Variants in GNA13 observed in about 807,000 individuals in gnomAD.
GNA13 encodes G protein subunit alpha 13, also known as guanine nucleotide-binding protein subunit alpha-13.
GNA13 carries 4 observed loss-of-function variants against 33.5 expected under a neutral mutation model. The ratio of observed to expected loss-of-function variants is 0.12; its 90% CI spans 0.06 to 0.27. The LOEUF (loss-of-function observed/expected upper bound fraction) is 0.27, where lower values mean the gene tolerates loss of function less well. Among genes scored for constraint, GNA13 ranks in the 10% least tolerant of loss-of-function variants. The pLI, the probability that GNA13 is intolerant of heterozygous loss-of-function variation, is 1.00. For synonymous variants in GNA13, 176 were observed against 183.8 expected (o/e 0.96, Z 0.34); for missense variants, 319 against 487.2 (o/e 0.65, Z 3.25).
intron 2 of GNA13, among the ~76,000 whole-genome samples, chr17:65,030,672 G>GA (rs1161153120): frequency 6.6e-6 from 1 of 152,044 alleles, no homozygotes; most frequent in Non-Finnish European, 1.5e-5. Context: ...ATTTCACTTT[G>GA]AAAAAAACAA....
chr17:65,029,383 T>C (rs542471656), intron 2 of GNA13, among the ~76,000 whole-genome samples: 4 of 152,274 alleles, frequency 2.6e-5, no homozygotes, highest in South Asian at 2.1e-4. Context: ...CTTACTATTA[T>C]ACAGGGAGCA....
At chr17:65,034,329 A>G (rs1442469526) in intron 2 of GNA13, among the ~76,000 whole-genome samples, 2 of 152,134 alleles carry the variant, frequency 1.3e-5, no homozygotes, top group East Asian at 3.9e-4. Flanking sequence ...TCCTCTTTAT[A>G]TCAAGTTTTT....
intron 2 of GNA13, among the ~76,000 whole-genome samples, chr17:65,028,274 G>A (rs1906872695): frequency 6.6e-6 from 1 of 151,842 alleles, no homozygotes; most frequent in Non-Finnish European, 1.5e-5. Context: ...GCATAGTGAT[G>A]GGCTCCTGTA....
At chr17:65,032,884 G>A (rs1907099547) in intron 2 of GNA13, among the ~76,000 whole-genome samples, 1 of 151,896 alleles carries the variant, frequency 6.6e-6, no homozygotes, top group Non-Finnish European at 1.5e-5. Context: ...GCTGAGATGG[G>A]TGGATCACCT....
chr17:65,052,158 T>A (rs1022324060), intron 2 of GNA13: 3 of 152,210 alleles, frequency 2.0e-5, no homozygotes, highest in African/African-American at 7.2e-5. Flanking sequence ...GCAGCTTATT[T>A]ATTTTTTTTT....
intron 2 of GNA13, among the ~76,000 whole-genome samples, chr17:65,024,944 G>A (rs1906718013): frequency 1.3e-5 from 2 of 152,068 alleles, no homozygotes; most frequent in Non-Finnish European, 2.9e-5. Context: ...GGAGTACAGT[G>A]GCACAATGTA....
Position 65,042,562 on chromosome 17 carries a change from C to A in GNA13, c.510+10940G>T, listed in dbSNP as rs374810754. 2.9e-3 allele frequency among the ~76,000 whole-genome samples: 440 copies of A among 151,900 alleles called. 4 individuals are homozygous for A. Among genetic ancestry groups the A allele is most frequent in the African/African-American group, 0.01 (423 of 41,412 alleles). On this transcript the variant is annotated intron_variant, in intron 2 of 3. Transcript: ENST00000439174. ...GACCAGCATGGCCAACACGGTGAAA[C>A]CCCATCTCTACCAAAAATACAAAAA... is the stretch of plus-strand genomic sequence containing the variant.
intron 2 of GNA13, among the ~76,000 whole-genome samples, chr17:65,020,805 C>T (rs1202207801): frequency 2.6e-5 from 4 of 151,950 alleles, no homozygotes; most frequent in Non-Finnish European, 5.9e-5. Flanking sequence ...TGTGTGCCTC[C>T]GCGCCTGGCT....
chr17:65,027,067 C>G (rs549692160), intron 2 of GNA13, among the ~76,000 whole-genome samples: 1 of 152,164 alleles, frequency 6.6e-6, no homozygotes, highest in Non-Finnish European at 1.5e-5. Flanking sequence ...CGTGAGCCAC[C>G]GCGCCCGGCC....
intron 2 of GNA13, among the ~76,000 whole-genome samples, chr17:65,036,117 A>G (rs1454905086): frequency 6.6e-6 from 1 of 152,232 alleles, no homozygotes; most frequent in Admixed American, 6.5e-5. Flanking sequence ...TTTAGAGCTC[A>G]ATCATTATCC....
intron 2 of GNA13, among the ~76,000 whole-genome samples, chr17:65,035,394 A>C (rs1432753911): frequency 6.6e-6 from 1 of 152,236 alleles, no homozygotes; most frequent in Non-Finnish European, 1.5e-5. Context: ...AAAGTTGTAC[A>C]GAAAGTACAA....
At chr17:65,016,423 G>A (rs544537306) in intron 3 of GNA13, among the ~76,000 whole-genome samples, 36 of 152,202 alleles carry the variant, frequency 2.4e-4, no homozygotes, top group African/African-American at 3.6e-4. Context: ...GTGCAGTGGC[G>A]GAATCTCGGC....
rs569929430 is a variant in GNA13, at chr17:65,013,148, A to G, written c.*1109T>C. On this transcript the variant is annotated 3_prime_UTR_variant, in exon 4 of 4. Transcript: ENST00000439174. ...AATGTATACATACTGTATCTGTTAG[A>G]GACACACCAAGAATGAACAGGAATC... 1 of 201,826 alleles carries G rather than the reference A, an allele frequency of 5.0e-6. No individual in the cohort carries two copies. The highest frequency in any genetic ancestry group is 2.3e-5 in the African/African-American group (1 of 43,726). 12.5% of individuals were successfully genotyped at this position (201,826 alleles called of 1,614,324 possible).
At chr17:65,055,529 C>T (rs548452354) in intron 1 of GNA13, 1 of 808,982 alleles carries the variant, frequency 1.2e-6, no homozygotes, top group South Asian at 5.7e-5. Flanking sequence ...CCTGCCAGCC[C>T]CCAGTTACTT....
chr17:65,027,368 A>C (rs541519771), intron 2 of GNA13, among the ~76,000 whole-genome samples: 1 of 146,196 alleles, frequency 6.8e-6, no homozygotes. Context: ...GGCTGGTCTC[A>C]AATTCCTAGG....
At chr17:65,037,696 C>T (rs1244592797) in intron 2 of GNA13, among the ~76,000 whole-genome samples, 2 of 136,878 alleles carry the variant, frequency 1.5e-5, no homozygotes, top group African/African-American at 5.4e-5. Context: ...CATTGGGAGG[C>T]CGAGAGAGGC....
chr17:65,015,434 G>A (rs926144350), intron 3 of GNA13, among the ~76,000 whole-genome samples: 1 of 151,922 alleles, frequency 6.6e-6, no homozygotes, highest in African/African-American at 2.4e-5. Context: ...AGGCCGAGAC[G>A]GGCAGATCAC....
At chr17:65,052,267 C>T (rs1360513708) in intron 2 of GNA13, 1 of 152,304 alleles carries the variant, frequency 6.6e-6, no homozygotes, top group East Asian at 1.9e-4. Flanking sequence ...GAGTCTCCTG[C>T]CTCAGCCTCC....
rs1375045991 is a variant in GNA13 at position 65,036,387 on chromosome 17, G to A, written c.510+17115C>T. On this transcript the variant is annotated intron_variant, in intron 2 of 3. Transcript: ENST00000439174. ...CTCGGGCTTTGGAATCCTACAACCC[G>A]GAGTCTGAATCTTGGCTCTATCACT... is the stretch of plus-strand genomic sequence containing the variant. Among the ~76,000 whole-genome samples the A allele has an allele frequency of 5.3e-5, 8 of 152,160 alleles. No individual in the cohort carries two copies. The East Asian group carries it at 7.7e-4, about 15-fold the overall frequency.
Sources: allele counts gnomAD v4.1 joint callset (sites outside exome capture counted in the v4.1 genomes callset), GRCh38; gene constraint gnomAD v4.1.1; transcripts MANE v1.5; gene names NCBI Gene and HGNC (gene_info 2026-07-23, HGNC 2026-07-21).